BPIFB6: variants seen among roughly 807,000 people sequenced by gnomAD.
BPIFB6 encodes the protein BPI fold containing family B member 6, also known as BPI fold-containing family B member 6.
In BPIFB6, 47 loss-of-function variants were observed where a neutral mutation model predicts 54.7. That is an observed-to-expected ratio of 0.86 (90% CI 0.68 to 1.10). BPIFB6 has a LOEUF of 1.10. BPIFB6 is among the 50% of genes least tolerant of loss of function. The pLI is 0.00. For missense variants in BPIFB6, 603 were observed against 564.1 expected, an observed-to-expected ratio of 1.07 and a Z score of -0.70; for synonymous variants, 255 against 225.9, an observed-to-expected ratio of 1.13 and a Z score of -1.16.
chr20:33,042,084 A>G, intron 12 of BPIFB6, 69 bp downstream of exon 12: 2 of 1,496,548 alleles, frequency 1.3e-6, no homozygotes, highest in East Asian at 2.3e-5. Flanking sequence ...CCTCGGAACT[A>G]CAGGGCCGAG....
chr20:33,043,011 G>C (rs73123529), intron 13 of BPIFB6, 133 bp downstream of exon 13: 56 of 808,618 alleles, frequency 6.9e-5, no homozygotes, highest in South Asian at 6.6e-4. Flanking sequence ...GAAGATAATT[G>C]CTGAATCTTT....
intron 3 of BPIFB6, 66 bp from the exon 4 acceptor site, chr20:33,034,697 G>A (rs1332867313): frequency 2.0e-6 from 3 of 1,520,568 alleles, no homozygotes; most frequent in Non-Finnish European, 2.7e-6. Context: ...TGTGAGCAAA[G>A]AGAAGGCAGG....
At chr20:33,033,934 C>T (rs539823803) in intron 2 of BPIFB6, among the ~76,000 whole-genome samples, 1 of 152,196 alleles carries the variant, frequency 6.6e-6, no homozygotes, top group Non-Finnish European at 1.5e-5. Context: ...GGAAATGACA[C>T]AGCCCAAGGT....
chr20:33,035,908 A>C (rs1178110946), intron 6 of BPIFB6, among the ~76,000 whole-genome samples: 1 of 151,678 alleles, frequency 6.6e-6, no homozygotes, highest in Non-Finnish European at 1.5e-5. Flanking sequence ...ACCCCACAAG[A>C]CTCCAAAGAC....
chr20:33,036,802 A>G (rs1297783292), intron 7 of BPIFB6, among the ~76,000 whole-genome samples: 1 of 152,098 alleles, frequency 6.6e-6, no homozygotes, highest in African/African-American at 2.4e-5. Context: ...TGCTTCTCCT[A>G]GTGAGTGAAG....
chr20:33,035,173 C>A, intron 5 of BPIFB6, 29 bp downstream of exon 5: 1 of 1,609,754 alleles, frequency 6.2e-7, no homozygotes, highest in Non-Finnish European at 8.5e-7. Context: ...GCCTCCACCC[C>A]TCGTTGCTGG....
intron 1 of BPIFB6, among the ~76,000 whole-genome samples, chr20:33,032,109 T>C (rs575641882): frequency 1.3e-5 from 2 of 152,256 alleles, no homozygotes; most frequent in East Asian, 1.9e-4. Flanking sequence ...TTGGCCTCCC[T>C]GTGTTGCTGT....
At chr20:33,043,621 G>A (rs2146370134) in intron 14 of BPIFB6, among the ~76,000 whole-genome samples, 1 of 152,272 alleles carries the variant, frequency 6.6e-6, no homozygotes, top group African/African-American at 2.4e-5. Context: ...CCATTTTCCG[G>A]TGCATAAAAT....
chr20:33,034,341 C>T (rs1162138877), intron 3 of BPIFB6, 51 bp downstream of exon 3: 2 of 1,219,978 alleles, frequency 1.6e-6, no homozygotes, highest in South Asian at 2.4e-5. Flanking sequence ...CTTCCTGTCT[C>T]ATCCTTACAT....
chr20:33,041,510 G>A (rs975571377), intron 11 of BPIFB6, among the ~76,000 whole-genome samples: 2 of 152,168 alleles, frequency 1.3e-5, no homozygotes, highest in Non-Finnish European at 1.5e-5. Flanking sequence ...TACTGGAATA[G>A]AGAATAGATG....
rs58463355 is a variant in BPIFB6 at position 33,039,533 on chromosome 20, G to T, written c.1074+13G>T. 1 of 1,592,364 alleles carries T rather than the reference G, an allele frequency of 6.3e-7. No individual in the cohort carries two copies. The highest frequency in any genetic ancestry group is 2.2e-5 in the East Asian group (1 of 44,520). ...TCTCCTAGAAGTGGTGAGGGAAATC[G>T]TTCCCTTCCCCATTTATTCCCAATC... On this transcript the variant is annotated intron_variant, in intron 10 of 14. Transcript: ENST00000349552.
At chr20:33,040,202 A>G (rs1481752394) in intron 10 of BPIFB6, 49 bp from the exon 11 acceptor site, 6 of 1,564,572 alleles carry the variant, frequency 3.8e-6, no homozygotes, top group Non-Finnish European at 5.3e-6. Context: ...GCCAGCCCTG[A>G]TGGTGGGGAA....
intron 8 of BPIFB6, among the ~76,000 whole-genome samples, chr20:33,038,074 G>T (rs534427993): frequency 6.6e-6 from 1 of 152,046 alleles, no homozygotes; most frequent in Non-Finnish European, 1.5e-5. Flanking sequence ...TCATACCCTA[G>T]GTTCTATCCT....
At chr20:33,032,162 G>T (rs1026725170) in intron 1 of BPIFB6, among the ~76,000 whole-genome samples, 6 of 152,096 alleles carry the variant, frequency 3.9e-5, no homozygotes, top group African/African-American at 1.4e-4. Flanking sequence ...TGTAAAATAG[G>T]GTGACCAGTC....
intron 11 of BPIFB6, among the ~76,000 whole-genome samples, chr20:33,041,206 GT>G (rs1979570918): frequency 6.6e-6 from 1 of 152,018 alleles, no homozygotes; most frequent in East Asian, 1.9e-4. Context: ...AGCCAGGATG[GT>G]CTGGATTTTC....
intron 9 of BPIFB6, 111 bp from the exon 10 acceptor site, chr20:33,039,236 G>A: frequency 8.7e-7 from 1 of 1,155,906 alleles, no homozygotes; most frequent in Non-Finnish European, 1.2e-6. Flanking sequence ...TTTGCATGTT[G>A]TACTTCCTGT....
At chr20:33,034,674 C>T in intron 3 of BPIFB6, 89 bp from the exon 4 acceptor site, 1 of 1,437,928 alleles carries the variant, frequency 7.0e-7, no homozygotes, top group Non-Finnish European at 9.5e-7. Flanking sequence ...TTCTCCCTCT[C>T]AGCTGCTCAG....
rs145823323 is a variant in BPIFB6 at position 33,033,735 on chromosome 20, G to A, written c.198-451G>A. 416 of 441,208 alleles carry A rather than the reference G, an allele frequency of 9.4e-4. 1 individual carries two copies. Among genetic ancestry groups the A allele is most frequent in the Non-Finnish European group, 1.5e-3 (335 of 216,312 alleles). 27.3% of individuals were successfully genotyped at this position (441,208 alleles called of 1,614,324 possible). A position where few individuals can be genotyped will look rare whatever the true frequency, so the allele number is the denominator to read the frequency against. ...GACATTTTTCATTGTCACAAGTTGCGGGGACTGGGGGAATGCTACTGGCAT... is the reference window on the plus strand; with the variant it reads ...GACATTTTTCATTGTCACAAGTTGCAGGGACTGGGGGAATGCTACTGGCAT... On this transcript the variant is annotated intron_variant, in intron 2 of 14. Transcript: ENST00000349552.
intron 2 of BPIFB6, chr20:33,033,559 T>A (rs1419470065): frequency 2.2e-6 from 1 of 456,826 alleles, no homozygotes; most frequent in Non-Finnish European, 4.4e-6. Context: ...CGGCAGGAAC[T>A]AGGACTGTGA....
Sources: gnomAD v4.1 joint callset for allele counts (sites outside exome capture counted in the v4.1 genomes callset) on GRCh38, gnomAD v4.1.1 for gene constraint, MANE v1.5 for transcripts, NCBI Gene and HGNC (gene_info 2026-07-23, HGNC 2026-07-21) for gene names.